DNAJB6: variants seen among roughly 807,000 people sequenced by gnomAD.
DNAJB6 encodes DnaJ heat shock protein family (Hsp40) member B6.
A neutral mutation model predicts 42.7 loss-of-function variants in DNAJB6; 16 were observed. The ratio of observed to expected loss-of-function variants is 0.37; its 90% CI spans 0.25 to 0.57. The LOEUF (loss-of-function observed/expected upper bound fraction) is 0.57. Among genes scored for constraint, DNAJB6 ranks in the 20% least tolerant of loss-of-function variants. The pLI is 0.74. For synonymous variants in DNAJB6, 170 were observed against 163.5 expected (o/e 1.04, Z -0.30); for missense variants, 347 against 416.8 (o/e 0.83, Z 1.46).
intron 1 of DNAJB6, among the ~76,000 whole-genome samples, chr7:157,357,827 A>G (rs1799386503): frequency 6.6e-6 from 1 of 152,158 alleles, no homozygotes; most frequent in African/African-American, 2.4e-5. Flanking sequence ...CACGTAATCC[A>G]TAGGGGAACT....
intron 4 of DNAJB6, among the ~76,000 whole-genome samples, chr7:157,367,130 G>A (rs754231618): frequency 1.3e-5 from 2 of 152,192 alleles, no homozygotes; most frequent in Non-Finnish European, 2.9e-5. Context: ...TGCCGATCAC[G>A]GATTTAGAGA....
chr7:157,352,885 C>G (rs943364642), intron 1 of DNAJB6, among the ~76,000 whole-genome samples: 6 of 152,108 alleles, frequency 3.9e-5, no homozygotes, highest in Non-Finnish European at 5.9e-5. Context: ...AGTTCCACTT[C>G]CAAGTTCCTA....
intron 3 of DNAJB6, among the ~76,000 whole-genome samples, chr7:157,363,675 C>T (rs548770596): frequency 6.6e-6 from 1 of 152,174 alleles, no homozygotes; most frequent in Non-Finnish European, 1.5e-5. Context: ...GTCAGCTTTA[C>T]TGCTTGAGAG....
At chr7:157,401,372 C>T (rs28507118) in intron 8 of DNAJB6, among the ~76,000 whole-genome samples, 1 of 152,114 alleles carries the variant, frequency 6.6e-6, no homozygotes, top group African/African-American at 2.4e-5. Flanking sequence ...CGCGCCACCA[C>T]ACCCCGCTAA....
intron 1 of DNAJB6, among the ~76,000 whole-genome samples, chr7:157,339,609 G>T (rs1233228899): frequency 2.5e-5 from 2 of 80,272 alleles, no homozygotes; most frequent in African/African-American, 9.3e-5. Flanking sequence ...TTTTGTGTGT[G>T]TGTGTGTGTG....
intron 4 of DNAJB6, among the ~76,000 whole-genome samples, chr7:157,366,987 C>A (rs1164383835): frequency 6.6e-6 from 1 of 152,216 alleles, no homozygotes; most frequent in East Asian, 1.9e-4. Context: ...AATTATTGCT[C>A]CAAACCCACT....
chr7:157,395,822 C>G (rs530424448), intron 8 of DNAJB6, among the ~76,000 whole-genome samples: 1 of 150,518 alleles, frequency 6.6e-6, no homozygotes, highest in African/African-American at 2.4e-5. Context: ...CCGGCTAATT[C>G]TTTTTATATT....
intron 1 of DNAJB6, among the ~76,000 whole-genome samples, chr7:157,353,012 A>G (rs1302317511): frequency 2.0e-5 from 3 of 152,186 alleles, no homozygotes; most frequent in Admixed American, 6.6e-5. Context: ...TGTAGGTTTT[A>G]AATTCAATTC....
intron 8 of DNAJB6, among the ~76,000 whole-genome samples, chr7:157,395,797 C>T (rs1801556564): frequency 1.3e-5 from 2 of 148,352 alleles, no homozygotes. Flanking sequence ...GGATTACAGG[C>T]CTGTGCCACC....
intron 5 of DNAJB6, among the ~76,000 whole-genome samples, chr7:157,374,595 A>G (rs1232735098): frequency 2.0e-5 from 3 of 152,036 alleles, no homozygotes; most frequent in Admixed American, 6.5e-5. Context: ...GCTAGTGAGG[A>G]TGGGTGCCAT....
At chr7:157,352,022 A>C (rs967550576) in intron 1 of DNAJB6, among the ~76,000 whole-genome samples, 82 of 151,848 alleles carry the variant, frequency 5.4e-4, no homozygotes, top group Middle Eastern at 3.4e-3. Context: ...AACAAACAAA[A>C]AAACAAAACT....
intron 1 of DNAJB6, among the ~76,000 whole-genome samples, chr7:157,343,805 GAGA>G (rs1053591675): frequency 2.0e-5 from 3 of 152,128 alleles, no homozygotes; most frequent in African/African-American, 7.2e-5. Context: ...GAATTTATTG[GAGA>G]AGGTTATTTT....
chr7:157,402,090 G>T (rs1371342002), intron 8 of DNAJB6, among the ~76,000 whole-genome samples: 1 of 152,176 alleles, frequency 6.6e-6, no homozygotes, highest in Non-Finnish European at 1.5e-5. Context: ...GGCTTCTGCC[G>T]CACTCCGCAT....
At chr7:157,402,714 C>T (rs1451031965) in intron 8 of DNAJB6, among the ~76,000 whole-genome samples, 2 of 152,160 alleles carry the variant, frequency 1.3e-5, no homozygotes, top group Admixed American at 6.5e-5. Context: ...TGGGTGGTCC[C>T]AATTTAAAAC....
In DNAJB6 at chr7:157,384,947, A is replaced by G; in HGVS notation, c.559A>G (p.Asn187Asp). Residue 187 changes from asparagine (N) to aspartate (D), a missense_variant, in exon 7 of 10, where the codon AAC (asparagine) becomes GAC (aspartate). Around this residue, in one of 3 missense-constraint regions of DNAJB6, gnomAD observed 264 missense variants for 288.0 expected, o/e 0.92. Coordinates refer to ENST00000262177, the MANE Select transcript of DNAJB6 (RefSeq NM_058246.4). ...GTCATTTGGTGGTAGTGGCATGGGC[A>G]ACTTCAAATCGATATCAACTTCAAC... ...STSFGGSGMG[N>D]FKSISTSTKM... The G allele has an allele frequency of 6.2e-7, 1 of 1,614,086 alleles. No individual in the cohort carries two copies. Among genetic ancestry groups the G allele is most frequent in the Admixed American group, 1.7e-5 (1 of 60,018 alleles).
chr7:157,393,552 C>T (rs985185029), intron 8 of DNAJB6, among the ~76,000 whole-genome samples: 35 of 152,262 alleles, frequency 2.3e-4, no homozygotes, highest in African/African-American at 8.2e-4. Flanking sequence ...GTGAAGCTCC[C>T]GGCCCTGTGA....
In DNAJB6 at chr7:157,384,848, C is replaced by T. The variant is rs1800973559; in HGVS notation, c.479-19C>T. Reference sequence around the variant, plus strand: ...TTGACATATTTCTTTAAGCATTTTTCTTTTCTGTTTTCCTGTAGGATTTAC... The same window carrying T: ...TTGACATATTTCTTTAAGCATTTTTTTTTTCTGTTTTCCTGTAGGATTTAC... On this transcript the variant is annotated intron_variant, in intron 6 of 9. Transcript: ENST00000262177. The T allele has an allele frequency of 1.9e-6, 3 of 1,601,516 alleles. No homozygotes were observed. Among genetic ancestry groups the T allele is most frequent in the Admixed American group, 1.7e-5 (1 of 57,508 alleles).
At chr7:157,395,694 T>TC (rs1801551421) in intron 8 of DNAJB6, among the ~76,000 whole-genome samples, 2 of 150,502 alleles carry the variant, frequency 1.3e-5, no homozygotes, top group African/African-American at 4.9e-5. Flanking sequence ...CTTTTTTTTT[T>TC]TTTTTTTTGA....
At chr7:157,350,515 C>T (rs2116900718) in intron 1 of DNAJB6, among the ~76,000 whole-genome samples, 1 of 152,170 alleles carries the variant, frequency 6.6e-6, no homozygotes, top group Admixed American at 6.5e-5. Flanking sequence ...ATAATGAGTT[C>T]CGGTCACTGG....
Sources: gnomAD v4.1 joint callset for allele counts (sites outside exome capture counted in the v4.1 genomes callset) on GRCh38, gnomAD v4.1.1 for gene constraint, gnomAD v4.1.1 regional missense constraint, MANE v1.5 for transcripts, NCBI Gene and HGNC (gene_info 2026-07-23, HGNC 2026-07-21) for gene names.